The following DUSP4 variants were observed in gnomAD, a reference collection of about 807,000 sequenced individuals.
The protein encoded by DUSP4 is dual specificity protein phosphatase 4.
In DUSP4, 12 loss-of-function variants were observed where a neutral mutation model predicts 27.2. The observed-to-expected ratio is 0.44, with a 90% confidence interval of 0.28 to 0.71. DUSP4 has a LOEUF of 0.71. Among genes scored for constraint, DUSP4 ranks in the 30% least tolerant of loss-of-function variants. DUSP4 has a pLI of 0.14. For synonymous variants in DUSP4, 257 were observed against 245.2 expected (o/e 1.05, Z -0.45); for missense variants, 448 against 551.3 (o/e 0.81, Z 1.88).
intron 1 of DUSP4, chr8:29,345,250 G>T: frequency 8.3e-7 from 1 of 1,208,670 alleles, no homozygotes; most frequent in Non-Finnish European, 1.2e-6. Context: ...TTGCAAGAAA[G>T]TCTGGGGTTG....
In DUSP4 at chr8:29,337,712, T is replaced by C. The variant is rs1204946799; in HGVS notation, c.800-301A>G. 1.3e-5 allele frequency among the ~76,000 whole-genome samples: 2 copies of C among 152,168 alleles called. No individual in the cohort carries two copies. Among genetic ancestry groups the C allele is most frequent in the Non-Finnish European group, 2.9e-5 (2 of 68,026 alleles). On this transcript the variant is annotated intron_variant, in intron 3 of 3. Coordinates refer to ENST00000240100, the MANE Select transcript of DUSP4 (RefSeq NM_001394.7). The surrounding 1 kb of genome is among the most constrained non-coding windows in gnomAD (Gnocchi z 6.4). ...GGCTCACTCCTGTAATCCCAGCGCTTTGGGAGGCCAAGGAGGGTGGATAAC... is the reference window on the plus strand; with the variant it reads ...GGCTCACTCCTGTAATCCCAGCGCTCTGGGAGGCCAAGGAGGGTGGATAAC...
rs767641023 is a variant in DUSP4, at chr8:29,338,362, T to C, written c.719A>G (p.Tyr240Cys). 3.7e-6 allele frequency: 6 copies of C among 1,614,228 alleles called. No individual in the cohort carries two copies. Among genetic ancestry groups the C allele is most frequent in the Admixed American group, 1.7e-5 (1 of 60,034 alleles). ...SDCPNHFEGH[Y>C]QYKCIPVEDN... Reference sequence around the variant, plus strand: ...TTCCACTGGGATGCACTTGTACTGATAGTGTCCTTCAAAGTGGTTTGGGCA... The same window carrying C: ...TTCCACTGGGATGCACTTGTACTGACAGTGTCCTTCAAAGTGGTTTGGGCA... Residue 240 changes from tyrosine to cysteine, a missense_variant, in exon 3 of 4, where the codon TAT becomes TGT. Transcript: ENST00000240100.
chr8:29,344,225 A>T (rs1449454328), intron 1 of DUSP4, among the ~76,000 whole-genome samples: 2 of 152,202 alleles, frequency 1.3e-5, no homozygotes, highest in Non-Finnish European at 1.5e-5. Flanking sequence ...AATATCCAGG[A>T]TCTACTTATT....
At chr8:29,348,814 C>T in intron 1 of DUSP4, 1 of 984,940 alleles carries the variant, frequency 1.0e-6, no homozygotes, top group Non-Finnish European at 1.2e-6. Context: ...GCCTACCGGG[C>T]TCGGAAGCGC....
chr8:29,344,823 T>C (rs1454526380), intron 1 of DUSP4, among the ~76,000 whole-genome samples: 3 of 151,502 alleles, frequency 2.0e-5, no homozygotes, highest in South Asian at 2.1e-4. Context: ...GTGACTATGG[T>C]CATGGATCTT....
chr8:29,343,964 G>T (rs910991296), intron 1 of DUSP4, among the ~76,000 whole-genome samples: 3 of 152,166 alleles, frequency 2.0e-5, no homozygotes, highest in Non-Finnish European at 2.9e-5. Flanking sequence ...GCTAGATTTA[G>T]ATCACCTAGT....
At chr8:29,347,242 G>A (rs1817748886) in intron 1 of DUSP4, among the ~76,000 whole-genome samples, 1 of 152,200 alleles carries the variant, frequency 6.6e-6, no homozygotes, top group African/African-American at 2.4e-5. Flanking sequence ...TGGAAGGGAG[G>A]TGTATCTGGA....
intron 1 of DUSP4, among the ~76,000 whole-genome samples, chr8:29,343,928 G>A (rs1817690338): frequency 6.6e-6 from 1 of 152,176 alleles, no homozygotes; most frequent in South Asian, 2.1e-4. Flanking sequence ...ATCCATGCAA[G>A]TACCATAGCC....
chr8:29,336,743 A>G lies in DUSP4; in HGVS notation c.*283T>C. 2.7e-6 allele frequency: 1 copy of G among 371,494 alleles called. No individual in the cohort carries two copies. Among genetic ancestry groups the G allele is most frequent in the Non-Finnish European group, 4.8e-6 (1 of 209,124 alleles). 23.0% of individuals were successfully genotyped at this position (371,494 alleles called of 1,614,324 possible). A position where few individuals can be genotyped will look rare whatever the true frequency, so the allele number is the denominator to read the frequency against. On this transcript the variant is annotated 3_prime_UTR_variant, in exon 4 of 4. Transcript: ENST00000240100. ...ACTGCTTAAAAAAATGAGGTAAGAA[A>G]TTTCTATCGGAAAAGTGAAACTGAC...
At position 29,336,221 on chromosome 8, in the gene DUSP4, TA is replaced by T. The variant is rs1441135184; in HGVS notation, c.*804del. The T allele has an allele frequency of 6.8e-6, 1 of 146,876 alleles. No individual in the cohort carries two copies. The highest frequency in any genetic ancestry group is 2.5e-5 in the African/African-American group (1 of 39,610). The allele number at this position is 146,876 out of a possible 1,614,324, so 9.1% of individuals were successfully genotyped here. A position where few individuals can be genotyped will look rare whatever the true frequency, so the allele number is the denominator to read the frequency against. On this transcript the variant is annotated 3_prime_UTR_variant, in exon 4 of 4. Transcript: ENST00000240100. Reference sequence around the variant, plus strand: ...CTGTCTTTTTCTTTTCTTTTTTTTTTAAAAAGCAATTCAAACCTAATTCTTC... The same window carrying T: ...CTGTCTTTTTCTTTTCTTTTTTTTTTAAAAGCAATTCAAACCTAATTCTTC...
chr8:29,345,996 T>C, intron 1 of DUSP4: 15 of 883,998 alleles, frequency 1.7e-5, no homozygotes, highest in Non-Finnish European at 2.0e-5. Flanking sequence ...AGGTATGCAA[T>C]ATTGACATCC....
At chr8:29,339,337 G>A (rs1222277085) in intron 2 of DUSP4, among the ~76,000 whole-genome samples, 2 of 152,192 alleles carry the variant, frequency 1.3e-5, no homozygotes, top group African/African-American at 4.8e-5. Flanking sequence ...GGGCTTATAA[G>A]AAACACAGTG....
chr8:29,338,417 T>G lies in DUSP4; in HGVS notation c.664A>C (p.Ile222Leu). ...ARRDMLDALGITALLNVSSDC... is the reference protein window; with the variant it reads ...ARRDMLDALGLTALLNVSSDC... ...GAGGAGACATTCAACAGAGCCGTGA[T>G]GCCCAGGGCGTCCAGCATGTCTCTC... Residue 222 changes from isoleucine to leucine, a missense_variant, in exon 3 of 4, where the codon ATC (isoleucine) becomes CTC (leucine). Physicochemically the swap from Ile to Leu is conservative, Grantham distance 5 (BLOSUM62 2). Transcript: ENST00000240100. The G allele has an allele frequency of 6.2e-7, 1 of 1,614,154 alleles. No individual in the cohort carries two copies. The highest frequency in any genetic ancestry group is 8.5e-7 in the Non-Finnish European group (1 of 1,180,044).
chr8:29,350,305 C>T lies in DUSP4; in HGVS notation c.-27G>A, dbSNP rs555034443. The T allele has an allele frequency of 1.9e-6, 3 of 1,550,856 alleles. No individual in the cohort carries two copies. In the East Asian group the frequency reaches 6.8e-5, roughly 35 times the overall value. On this transcript the variant is annotated 5_prime_UTR_variant, in exon 1 of 4. Transcript: ENST00000240100. Reference sequence around the variant, plus strand: ...GTCGCCGGGAACCGAGGCGGCTGGGCGCGCGAGGAAGAGAAGAGAACCCGG... The same window carrying T: ...GTCGCCGGGAACCGAGGCGGCTGGGTGCGCGAGGAAGAGAAGAGAACCCGG...
At chr8:29,348,722 A>C (rs1193585155) in intron 1 of DUSP4, 30 of 985,374 alleles carry the variant, frequency 3.0e-5, no homozygotes, top group Non-Finnish European at 3.0e-5. Flanking sequence ...GAGGAGCGGA[A>C]AGGAAAGGAA....
intron 1 of DUSP4, chr8:29,345,825 T>C (rs1817725573): frequency 8.7e-7 from 1 of 1,145,368 alleles, no homozygotes; most frequent in Non-Finnish European, 1.1e-6. Context: ...ATGTAAATGG[T>C]GTCTAACATA....
Position 29,336,653 on chromosome 8 carries a change from C to T in DUSP4, c.*373G>A, listed in dbSNP as rs1817577435. On this transcript the variant is annotated 3_prime_UTR_variant, in exon 4 of 4. Transcript: ENST00000240100. ...TCTCATCCCTTTGCCCTCCCTTCCT[C>T]CCCCTTTAGTAAAGCTGGTTGGGCA... The T allele has an allele frequency of 5.5e-6, 1 of 183,190 alleles. No individual in the cohort carries two copies. The highest frequency in any genetic ancestry group is 1.5e-4 in the East Asian group (1 of 6,504). The allele number at this position is 183,190 out of a possible 1,614,324, so 11.3% of individuals were successfully genotyped here. A position where few individuals can be genotyped will look rare whatever the true frequency, so the allele number is the denominator to read the frequency against.
chr8:29,348,759 G>C (rs561507541), intron 1 of DUSP4: 139 of 984,120 alleles, frequency 1.4e-4, no homozygotes, highest in East Asian at 2.3e-4. Context: ...AGGCGCCTGC[G>C]GGGGGGAGGA....
intron 2 of DUSP4, among the ~76,000 whole-genome samples, chr8:29,339,595 T>G (rs1817626090): frequency 1.3e-5 from 2 of 152,114 alleles, no homozygotes. Context: ...GGAGGATATT[T>G]AGAGAGGGAA....
Sources: allele counts gnomAD v4.1 joint callset (sites outside exome capture counted in the v4.1 genomes callset), GRCh38; gene constraint gnomAD v4.1.1; non-coding constraint Gnocchi (gnomAD v3.1); transcripts MANE v1.5; gene names NCBI Gene and HGNC (gene_info 2026-07-23, HGNC 2026-07-21).